The following CLIC5 variants were observed in gnomAD, a reference collection of about 807,000 sequenced individuals.
CLIC5 encodes the protein CLIC family member 5.
Under a neutral mutation model 24.7 loss-of-function variants are expected in CLIC5, and 20 were observed. The ratio of observed to expected loss-of-function variants is 0.81; its 90% CI spans 0.57 to 1.18. The LOEUF is 1.18. Among genes scored for constraint, CLIC5 ranks in the 50% most tolerant of loss-of-function variants. CLIC5 has a pLI of 0.00. For missense variants in CLIC5, 341 were observed against 326.1 expected (o/e 1.05, Z -0.35); for synonymous variants, 159 against 135.6 (o/e 1.17, Z -1.20).
the CLIC5 span, among the ~76,000 whole-genome samples, chr6:46,115,884 G>C: frequency 6.6e-6 from 1 of 152,242 alleles, no homozygotes; most frequent in East Asian, 1.9e-4. Context: ...TGACATAAAA[G>C]AGGGAACCGG....
At chr6:45,994,957 T>C (rs918360986) in intron 1 of CLIC5, among the ~76,000 whole-genome samples, 3 of 152,192 alleles carry the variant, frequency 2.0e-5, no homozygotes, top group African/African-American at 7.2e-5. Flanking sequence ...TTGGGAAATG[T>C]ACAGTGAACA....
chr6:46,033,565 T>C (rs1406009989), intron 1 of CLIC5, among the ~76,000 whole-genome samples: 2 of 152,100 alleles, frequency 1.3e-5, no homozygotes, highest in African/African-American at 4.8e-5. Context: ...ATTCTGCAGG[T>C]CTCCATAGCC....
At chr6:46,022,829 A>G (rs1353700351) in intron 1 of CLIC5, among the ~76,000 whole-genome samples, 1 of 152,152 alleles carries the variant, frequency 6.6e-6, no homozygotes, top group Non-Finnish European at 1.5e-5. Context: ...CTCATTTTAG[A>G]AGCCCCTGAG....
At chr6:45,954,429 C>T (rs1420087859) in intron 2 of CLIC5, among the ~76,000 whole-genome samples, 1 of 152,072 alleles carries the variant, frequency 6.6e-6, no homozygotes, top group Non-Finnish European at 1.5e-5. Flanking sequence ...GATAGCAGGG[C>T]TCTGGGTGTA....
intron 1 of CLIC5, among the ~76,000 whole-genome samples, chr6:45,987,396 T>C (rs1241947547): frequency 6.6e-6 from 1 of 152,224 alleles, no homozygotes; most frequent in Non-Finnish European, 1.5e-5. Context: ...CACATGTCTA[T>C]ATTCTCTACA....
At chr6:46,011,884 GT>G (rs1258253915) in intron 1 of CLIC5, among the ~76,000 whole-genome samples, 1 of 152,188 alleles carries the variant, frequency 6.6e-6, no homozygotes, top group Admixed American at 6.5e-5. Context: ...ATCCCTGCAA[GT>G]GAGGAAGGAG....
intron 1 of CLIC5, among the ~76,000 whole-genome samples, chr6:45,980,140 T>C (rs1485467339): frequency 6.6e-5 from 10 of 152,150 alleles, no homozygotes; most frequent in Non-Finnish European, 1.2e-4. Context: ...ATCCCAGCAC[T>C]GTTTATTGAA....
intron 1 of CLIC5, among the ~76,000 whole-genome samples, chr6:45,959,715 G>A (rs1324049130): frequency 1.3e-5 from 2 of 152,162 alleles, no homozygotes; most frequent in East Asian, 3.8e-4. Context: ...AAACTGCTTA[G>A]TGAGGGAGGC....
In CLIC5 at chr6:46,015,714, A is replaced by T. The variant is rs1454414866; in HGVS notation, c.-172T>A. On this transcript the variant is annotated 5_prime_UTR_variant, in exon 1 of 6. Transcript: ENST00000339561. ...CCCGAGCAGCGGGGTCTGAGAGATC[A>T]GTGTCCCAGATGCTCACATGAAAAG... 7.9e-7 allele frequency: 1 copy of T among 1,265,734 alleles called. No individual in the cohort carries two copies. Among genetic ancestry groups the T allele is most frequent in the African/African-American group, 1.6e-5 (1 of 64,478 alleles). 78.4% of individuals were successfully genotyped at this position (1,265,734 alleles called of 1,614,324 possible).
At chr6:45,984,395 C>T (rs564532555) in intron 1 of CLIC5, among the ~76,000 whole-genome samples, 117 of 152,240 alleles carry the variant, frequency 7.7e-4, no homozygotes, top group Non-Finnish European at 1.5e-3. Flanking sequence ...ACAGGTGCTC[C>T]GGAACCCAGC....
the CLIC5 span, among the ~76,000 whole-genome samples, chr6:46,102,073 C>A: frequency 6.6e-6 from 1 of 152,022 alleles, no homozygotes. Context: ...GGCCCTTGAG[C>A]CCCTGAAGTT....
intron 2 of CLIC5, among the ~76,000 whole-genome samples, chr6:45,954,179 C>A (rs1359796447): frequency 6.8e-6 from 1 of 147,166 alleles, no homozygotes; most frequent in African/African-American, 2.5e-5. Context: ...GAGGCTGAGG[C>A]AGAGAATTGC....
At chr6:46,020,617 G>C (rs1021784406), upstream of CLIC5, among the ~76,000 whole-genome samples, 7 of 151,580 alleles carry the variant, frequency 4.6e-5, no homozygotes, top group Non-Finnish European at 8.8e-5. Flanking sequence ...TAAAACAATA[G>C]AGAAAATCAA....
At chr6:46,048,465 A>G (rs1768015846) in intron 1 of CLIC5, among the ~76,000 whole-genome samples, 1 of 152,054 alleles carries the variant, frequency 6.6e-6, no homozygotes, top group Non-Finnish European at 1.5e-5. Context: ...TCCCTGTTTC[A>G]AATACTCTCT....
chr6:46,028,588 G>A (rs945931276), intron 1 of CLIC5, among the ~76,000 whole-genome samples: 1 of 152,120 alleles, frequency 6.6e-6, no homozygotes, highest in Non-Finnish European at 1.5e-5. Context: ...GTAAGTTATA[G>A]GTTATAGGTG....
At chr6:46,124,642 C>CTACA in the CLIC5 span, among the ~76,000 whole-genome samples, 2 of 152,148 alleles carry the variant, frequency 1.3e-5, no homozygotes, top group African/African-American at 4.8e-5. Context: ...AATGGGCAAC[C>CTACA]TACAGAATGG....
intron 1 of CLIC5, among the ~76,000 whole-genome samples, chr6:46,021,397 T>C (rs557166020): frequency 7.7e-4 from 118 of 152,298 alleles, no homozygotes; most frequent in African/African-American, 2.4e-3. Context: ...AATGTACACT[T>C]ACTATATGGC....
At chr6:45,948,035 G>A (rs1764343604) in intron 3 of CLIC5, among the ~76,000 whole-genome samples, 1 of 152,152 alleles carries the variant, frequency 6.6e-6, no homozygotes, top group Admixed American at 6.5e-5. Context: ...CACTAGATGT[G>A]CAACCTTGGG....
At chr6:45,960,628 A>G (rs1764814043) in intron 1 of CLIC5, among the ~76,000 whole-genome samples, 1 of 152,160 alleles carries the variant, frequency 6.6e-6, no homozygotes, top group South Asian at 2.1e-4. Context: ...CACTCTTGAC[A>G]CAGAAACCAA....
Sources: allele counts gnomAD v4.1 joint callset (sites outside exome capture counted in the v4.1 genomes callset), GRCh38; gene constraint gnomAD v4.1.1; transcripts MANE v1.5; gene names NCBI Gene and HGNC (gene_info 2026-07-23, HGNC 2026-07-21).